PTK2: variants seen among roughly 807,000 people sequenced by gnomAD.
PTK2 encodes the protein focal adhesion kinase 1.
In PTK2, 45 loss-of-function variants were observed where a neutral mutation model predicts 150.1. The observed-to-expected ratio is 0.30, with a 90% CI of 0.24 to 0.38. PTK2 has a LOEUF of 0.38. PTK2 is among the 10% of genes least tolerant of loss of function. The pLI, the probability that PTK2 is intolerant of heterozygous loss-of-function variation, is 1.00. For missense variants in PTK2, 919 were observed against 1,307.3 expected, an observed-to-expected ratio of 0.70 and a Z score of 4.58; for synonymous variants, 432 against 449.2, an observed-to-expected ratio of 0.96 and a Z score of 0.48.
At chr8:140,875,810 A>T (rs530667394) in intron 4 of PTK2, among the ~76,000 whole-genome samples, 2 of 152,200 alleles carry the variant, frequency 1.3e-5, no homozygotes, top group Non-Finnish European at 2.9e-5. Context: ...AGGCAGGTGT[A>T]GGGAGACTAG....
chr8:141,000,016 A>T (rs552805057), intron 1 of PTK2, among the ~76,000 whole-genome samples: 3 of 50,312 alleles, frequency 6.0e-5, no homozygotes, highest in African/African-American at 1.2e-4. Flanking sequence ...AATGACTCGG[A>T]AAAAAAAAAA....
chr8:140,677,171 C>T (rs2100014415), intron 27 of PTK2, among the ~76,000 whole-genome samples: 1 of 152,298 alleles, frequency 6.6e-6, no homozygotes, highest in Non-Finnish European at 1.5e-5. Context: ...TGTCTGCATC[C>T]TCTCCTGCCT....
At chr8:140,761,937 CA>C in intron 15 of PTK2, among the ~76,000 whole-genome samples, 1 of 152,082 alleles carries the variant, frequency 6.6e-6, no homozygotes, top group Non-Finnish European at 1.5e-5. Flanking sequence ...TTGTAATATA[CA>C]AAATCGATTA....
chr8:140,924,025 C>G (rs547262148), intron 2 of PTK2, among the ~76,000 whole-genome samples: 1 of 152,282 alleles, frequency 6.6e-6, no homozygotes, highest in South Asian at 2.1e-4. Context: ...CTCCAACTTT[C>G]CCAGATTCAG....
intron 16 of PTK2, among the ~76,000 whole-genome samples, chr8:140,755,395 T>C (rs2100065041): frequency 6.6e-6 from 1 of 152,200 alleles, no homozygotes; most frequent in Non-Finnish European, 1.5e-5. Context: ...AGGTTTCCTT[T>C]TGCCTTCCCT....
At chr8:140,924,206 G>A (rs182291158) in intron 2 of PTK2, among the ~76,000 whole-genome samples, 109 of 152,084 alleles carry the variant, frequency 7.2e-4, no homozygotes, top group Non-Finnish European at 4.3e-4. Flanking sequence ...TTGCCCCCGC[G>A]TTATCCACAT....
chr8:140,989,531 A>T lies in PTK2; in HGVS notation c.-122+11594T>A, dbSNP rs1193857169. Among the ~76,000 whole-genome samples, 8 of 140,350 alleles carry T rather than the reference A, an allele frequency of 5.7e-5. No homozygotes were observed. In the East Asian group the frequency reaches 5.9e-4, roughly 10 times the overall value. The allele number at this position is 140,350 out of a possible 152,430, so 92.1% of individuals were successfully genotyped here. A position where few individuals can be genotyped will look rare whatever the true frequency, so the allele number is the denominator to read the frequency against. Reference sequence around the variant, plus strand: ...ACAGAAGCTACAAATTAATGAATTTAAAAAAAAAAAAAGAAGACCTAATAG... The same window carrying T: ...ACAGAAGCTACAAATTAATGAATTTTAAAAAAAAAAAAGAAGACCTAATAG... On this transcript the variant is annotated intron_variant, in intron 1 of 31. Transcript: ENST00000522684.
chr8:141,000,126 C>CACACACACACACACACACACACA lies in PTK2; in HGVS notation c.-122+998_-122+999insTGTGTGTGTGTGTGTGTGTGTGT, dbSNP rs1555522723. Among the ~76,000 whole-genome samples the CACACACACACACACACACACACA allele has an allele frequency of 2.4e-4, 34 of 142,610 alleles. 1 individual carries two copies. Among genetic ancestry groups the CACACACACACACACACACACACA allele is most frequent in the African/African-American group, 4.4e-4 (17 of 38,622 alleles). The allele number at this position is 142,610 out of a possible 152,430, so 93.6% of individuals were successfully genotyped here. On this transcript the variant is annotated intron_variant, in intron 1 of 31. Coordinates refer to ENST00000522684, the Ensembl canonical transcript of PTK2. Reference sequence around the variant, plus strand: ...ACACACACACACACACACACACACACCCCTTCTTCTAAGAAAGAACAGGAT... The same window carrying CACACACACACACACACACACACA: ...ACACACACACACACACACACACACACACACACACACACACACACACACACCCTTCTTCTAAGAAAGAACAGGAT...
At chr8:140,892,574 T>C in intron 2 of PTK2, 1 of 451,476 alleles carries the variant, frequency 2.2e-6, no homozygotes, top group South Asian at 1.7e-5. Context: ...GAGCCAACCC[T>C]CTGTTGGTAT....
intron 17 of PTK2, among the ~76,000 whole-genome samples, chr8:140,751,097 G>A (rs59588611): frequency 0.035 from 5,374 of 152,036 alleles, 242 homozygotes; most frequent in African/African-American, 0.1. Flanking sequence ...AAAGATAAGT[G>A]TTTCTAGCTA....
intron 7 of PTK2, among the ~76,000 whole-genome samples, chr8:140,845,706 TGTTCA>T (rs1438724181): frequency 6.6e-6 from 1 of 152,190 alleles, no homozygotes; most frequent in Non-Finnish European, 1.5e-5. Flanking sequence ...AAGGACTCAG[TGTTCA>T]GTTATCTTTT....
intron 7 of PTK2, among the ~76,000 whole-genome samples, chr8:140,841,629 G>C (rs7002914): frequency 0.014 from 2,169 of 152,018 alleles, 54 homozygotes; most frequent in African/African-American, 0.05. Flanking sequence ...GTAATGATGA[G>C]AGCCATATAC....
At chr8:140,997,137 T>C (rs549520059) in intron 1 of PTK2, among the ~76,000 whole-genome samples, 25 of 152,316 alleles carry the variant, frequency 1.6e-4, no homozygotes, top group African/African-American at 5.1e-4. Context: ...AATGCAGATA[T>C]GGTAGAAATA....
chr8:140,943,917 G>C (rs558764922), intron 1 of PTK2, among the ~76,000 whole-genome samples: 2 of 152,164 alleles, frequency 1.3e-5, no homozygotes, highest in East Asian at 3.9e-4. Flanking sequence ...CTTTTTCATT[G>C]AAATTTTTAT....
chr8:140,949,395 C>G (rs916896807), intron 1 of PTK2, among the ~76,000 whole-genome samples: 1 of 152,192 alleles, frequency 6.6e-6, no homozygotes, highest in Non-Finnish European at 1.5e-5. Context: ...GTTGGCGGGG[C>G]AGGAGCCCCA....
intron 26 of PTK2, among the ~76,000 whole-genome samples, chr8:140,697,852 G>GTTTTTTTT (rs71308981): frequency 1.2e-4 from 6 of 48,026 alleles, no homozygotes; most frequent in African/African-American, 4.5e-4. Flanking sequence ...AGGGTTTACT[G>GTTTTTTTT]TTTTTTTTTT....
At chr8:140,912,169 G>A (rs938176728) in intron 2 of PTK2, among the ~76,000 whole-genome samples, 2 of 151,858 alleles carry the variant, frequency 1.3e-5, no homozygotes, top group Admixed American at 1.3e-4. Context: ...CTTGAGCCCA[G>A]GACTTCAAGG....
At chr8:140,747,708 G>A (rs1298109058) in intron 17 of PTK2, among the ~76,000 whole-genome samples, 2 of 90,354 alleles carry the variant, frequency 2.2e-5, no homozygotes, top group Non-Finnish European at 4.6e-5. Flanking sequence ...GAGGAGGAGG[G>A]GGAGGAAGGG....
At chr8:140,890,809 G>A in intron 2 of PTK2, 40 bp from the exon 3 acceptor site, 1 of 1,509,470 alleles carries the variant, frequency 6.6e-7, no homozygotes, top group South Asian at 1.1e-5. Context: ...TATAATACTT[G>A]AAATCTACCA....
Sources: allele counts gnomAD v4.1 joint callset (sites outside exome capture counted in the v4.1 genomes callset), GRCh38; gene constraint gnomAD v4.1.1; transcripts MANE v1.5; gene names NCBI Gene and HGNC (gene_info 2026-07-23, HGNC 2026-07-21).